The following BEST1 variants were observed in gnomAD, a reference collection of about 807,000 sequenced individuals.
The protein encoded by BEST1 is bestrophin 1.
Under a neutral mutation model 63.3 loss-of-function variants are expected in BEST1, and 58 were observed. The observed-to-expected ratio is 0.92, with a 90% CI of 0.74 to 1.14. BEST1 has a LOEUF of 1.14. Ranked by LOEUF, BEST1 falls within the 50% of genes most tolerant of loss-of-function variation. The pLI, the probability that BEST1 is intolerant of heterozygous loss-of-function variation, is 0.00. For synonymous variants in BEST1, 283 were observed against 291.6 expected, an observed-to-expected ratio of 0.97 and a Z score of 0.30; for missense variants, 671 against 740.1, an observed-to-expected ratio of 0.91 and a Z score of 1.08.
At chr11:61,955,982 C>T (rs1269457618) in intron 4 of BEST1, 31 bp downstream of exon 4, 2 of 1,535,102 alleles carry the variant, frequency 1.3e-6, no homozygotes, top group African/African-American at 1.4e-5. Flanking sequence ...GGGGAGGCAC[C>T]GGGCAGAGCC....
chr11:61,954,974 G>A (rs762309775), intron 2 of BEST1, 133 bp from the exon 3 acceptor site: 6 of 1,516,160 alleles, frequency 4.0e-6, no homozygotes, highest in Non-Finnish European at 5.3e-6. Context: ...CTCAGGAGGG[G>A]CCCTGGGCTG....
chr11:61,954,810 G>A (rs1941094719), intron 2 of BEST1: 2 of 985,312 alleles, frequency 2.0e-6, no homozygotes, highest in African/African-American at 3.5e-5. Context: ...CAAAGGATCA[G>A]GGTGTCTGAA....
At chr11:61,964,564 C>A, downstream of BEST1, 4 of 829,356 alleles carry the variant, frequency 4.8e-6, no homozygotes, top group Non-Finnish European at 7.7e-6. Flanking sequence ...AAGACAACAC[C>A]TGGGTACCAA....
At chr11:61,958,534 T>G in intron 7 of BEST1, 2 of 1,035,990 alleles carry the variant, frequency 1.9e-6, no homozygotes, top group Non-Finnish European at 2.9e-6. Flanking sequence ...CACTCCAGCC[T>G]GGGCAAAAGA....
rs1049268441 is a variant in BEST1, at chr11:61,964,305, A to C, written c.*183A>C. On this transcript the variant is annotated 3_prime_UTR_variant, in exon 11 of 11. Transcript: ENST00000378043. The stretch of plus-strand genomic sequence containing the variant: ...ACTACTTCAGCCTTTAATGCCTTTT[A>C]TTCATAAAAACTGTGAAAGCTAGAC... 1.9e-5 allele frequency: 23 copies of C among 1,186,390 alleles called. No homozygotes were observed. The highest frequency in any genetic ancestry group is 2.3e-4 in the Middle Eastern group (1 of 4,372). The allele number at this position is 1,186,390 out of a possible 1,614,324, so 73.5% of individuals were successfully genotyped here.
At chr11:61,956,035 C>A in intron 4 of BEST1, 84 bp downstream of exon 4, 3 of 1,327,064 alleles carry the variant, frequency 2.3e-6, no homozygotes, top group South Asian at 1.4e-5. Context: ...ATGGGTGGAG[C>A]CAAAGTCCCC....
At chr11:61,958,750 T>C in intron 7 of BEST1, 1 of 360,728 alleles carries the variant, frequency 2.8e-6, no homozygotes, top group Non-Finnish European at 5.3e-6. Context: ...ATCACACAGT[T>C]TTCTCTCCAC....
chr11:61,955,906 G>T lies in BEST1; in HGVS notation c.436G>T (p.Ala146Ser), dbSNP rs1237501081. The T allele has an allele frequency of 3.9e-6, 6 of 1,550,334 alleles. No individual in the cohort carries two copies. Among genetic ancestry groups the T allele is most frequent in the East Asian group, 2.4e-5 (1 of 40,956 alleles). The part of the protein sequence containing the change: ...NVLILRSVST[A>S]VYKRFPSAQH... ...GCTCATCCTGCGCAGCGTCAGCACCGCAGTCTACAAGCGCTTCCCCAGCGC... is the reference window on the plus strand; with the variant it reads ...GCTCATCCTGCGCAGCGTCAGCACCTCAGTCTACAAGCGCTTCCCCAGCGC... The change falls in exon 4 of 11, where the codon GCA (alanine) becomes TCA (serine). Residue 146 changes from alanine (A) to serine (S), a missense_variant. Physicochemically the swap from Ala to Ser is moderately conservative, Grantham distance 99. Coordinates refer to ENST00000378043, the MANE Select transcript of BEST1 (RefSeq NM_004183.4).
At chr11:61,956,187 A>G (rs895841247) in intron 4 of BEST1, among the ~76,000 whole-genome samples, 2 of 151,954 alleles carry the variant, frequency 1.3e-5, no homozygotes, top group African/African-American at 4.8e-5. Context: ...AGGCAGGGCT[A>G]AGGACCCTTG....
At position 61,959,957 on chromosome 11, in the gene BEST1, G is replaced by C; in HGVS notation, c.1014G>C (p.Trp338Cys). Residue 338 changes from tryptophan (W) to cysteine (C), a missense_variant, in exon 9 of 11, where the codon TGG becomes TGC. Coordinates refer to ENST00000378043, the MANE Select transcript of BEST1 (RefSeq NM_004183.4). ...CTCGGATGGAGCCGGACATGTACTG[G>C]AATAAGCCCGAGCCACAGCCCCCCT... ...DLPRMEPDMY[W>C]NKPEPQPPYT... 3 of 1,612,534 alleles carry C rather than the reference G, an allele frequency of 1.9e-6. No individual in the cohort carries two copies. The highest frequency in any genetic ancestry group is 2.5e-6 in the Non-Finnish European group (3 of 1,179,486).
intron 10 of BEST1, chr11:61,963,302 A>T (rs1451897574): frequency 1.5e-6 from 2 of 1,360,078 alleles, no homozygotes; most frequent in African/African-American, 2.9e-5. Context: ...ACAGATGAAC[A>T]CTTCCCCCAT....
In BEST1 at chr11:61,955,930, G is replaced by T. The variant is rs1429969561; in HGVS notation, c.460G>T (p.Ala154Ser). The T allele has an allele frequency of 6.5e-7, 1 of 1,549,294 alleles. No homozygotes were observed. The highest frequency in any genetic ancestry group is 8.7e-7 in the Non-Finnish European group (1 of 1,146,392). The change falls in exon 4 of 11, where the codon GCC (alanine) becomes TCC (serine). Residue 154 changes from alanine to serine, a missense_variant. By Grantham distance (99) the Ala-to-Ser change is moderately conservative. Transcript: ENST00000378043. ...CGCAGTCTACAAGCGCTTCCCCAGCGCCCAGCACCTGGTGCAAGCAGGTGG... is the reference window on the plus strand; with the variant it reads ...CGCAGTCTACAAGCGCTTCCCCAGCTCCCAGCACCTGGTGCAAGCAGGTGG... Reference protein sequence around the residue: ...STAVYKRFPSAQHLVQAGFMT... With the variant: ...STAVYKRFPSSQHLVQAGFMT...
chr11:61,951,758 C>G lies in BEST1; in HGVS notation c.-36-13C>G, dbSNP rs1940681975. 1.2e-6 allele frequency: 2 copies of G among 1,606,862 alleles called. No homozygotes were observed. The highest frequency in any genetic ancestry group is 1.7e-6 in the Non-Finnish European group (2 of 1,179,418). ...ATCCCTACAAACCCCCAATCGGTGT[C>G]CCTCTCTACCAGGACCCAAGCCCAC... On this transcript the variant is annotated splice_polypyrimidine_tract_variant and intron_variant, in intron 1 of 10. Coordinates refer to ENST00000378043, the MANE Select transcript of BEST1 (RefSeq NM_004183.4).
rs1420999724 is a variant in BEST1, at chr11:61,958,198, A to G, written c.767A>G (p.Gln256Arg). The G allele has an allele frequency of 6.2e-7, 1 of 1,614,072 alleles. No homozygotes were observed. The highest frequency in any genetic ancestry group is 1.7e-5 in the Admixed American group (1 of 60,014). The change falls in exon 7 of 11, where the codon CAG (glutamine) becomes CGG (arginine). Residue 256 changes from glutamine to arginine, a missense_variant. Coordinates refer to ENST00000378043, the MANE Select transcript of BEST1 (RefSeq NM_004183.4). Reference protein sequence around the residue: ...SFFLTCLVGRQFLNPAKAYPG... With the variant: ...SFFLTCLVGRRFLNPAKAYPG... ...TTCCTGACTTGTCTAGTTGGGCGGC[A>G]GTTTCTGAACCCAGCCAAGGCCTAC...
At chr11:61,959,795 C>T in intron 8 of BEST1, 97 bp from the exon 9 acceptor site, 1 of 1,537,886 alleles carries the variant, frequency 6.5e-7, no homozygotes, top group Non-Finnish European at 8.9e-7. Context: ...AAACTGAGGT[C>T]CAGAGAGAGG....
chr11:61,960,480 C>T (rs925801256), intron 9 of BEST1: 3 of 216,334 alleles, frequency 1.4e-5, no homozygotes, highest in Non-Finnish European at 2.9e-5. Context: ...AAGTGATTCT[C>T]CTGCTTCAGC....
chr11:61,956,499 A>C (rs1941379312), intron 4 of BEST1, among the ~76,000 whole-genome samples: 1 of 152,072 alleles, frequency 6.6e-6, no homozygotes, highest in South Asian at 2.1e-4. Context: ...CAAAAACATT[A>C]AAAATTAGCA....
intron 7 of BEST1, 64 bp downstream of exon 7, chr11:61,958,362 C>T: frequency 6.2e-7 from 1 of 1,612,404 alleles, no homozygotes; most frequent in Non-Finnish European, 8.5e-7. Flanking sequence ...CCAGCAGCTG[C>T]CTGAGACGAG....
chr11:61,964,765 C>T (rs367593479), downstream of BEST1: 40 of 1,599,416 alleles, frequency 2.5e-5, no homozygotes, highest in African/African-American at 3.6e-4. Context: ...GTGTGCTTGT[C>T]AAAGAGATAT....
Sources: gnomAD v4.1 joint callset for allele counts (sites outside exome capture counted in the v4.1 genomes callset) on GRCh38, gnomAD v4.1.1 for gene constraint, MANE v1.5 for transcripts, NCBI Gene and HGNC (gene_info 2026-07-23, HGNC 2026-07-21) for gene names.